The following ADGRV1 variants were observed in gnomAD, a reference collection of about 807,000 sequenced individuals.
ADGRV1 encodes the protein adhesion G protein-coupled receptor V1, also known as G-protein coupled receptor 98.
In ADGRV1, 359 loss-of-function variants were observed where a neutral mutation model predicts 596.2. The observed-to-expected ratio is 0.60, with a 90% CI of 0.55 to 0.66. The LOEUF is 0.66. Among genes scored for constraint, ADGRV1 ranks in the 30% least tolerant of loss-of-function variants. The pLI is 0.00. For missense variants in ADGRV1, 7,274 were observed against 7,575.6 expected (o/e 0.96, Z 1.48); for synonymous variants, 2,681 against 2,679.2 (o/e 1.00, Z -0.02).
Position 91,037,487 on chromosome 5 carries a change from A to AG in ADGRV1, c.18153-34954dup, listed in dbSNP as rs796739050. Among the ~76,000 whole-genome samples, 30 of 152,258 alleles carry AG rather than the reference A, an allele frequency of 2.0e-4. 1 individual carries two copies. Among genetic ancestry groups the AG allele is most frequent in the African/African-American group, 7.0e-4 (29 of 41,564 alleles). Reference sequence around the variant, plus strand: ...AATATTATCATATATTAGTTAGGAGAGGGGGGATAAAGTTAGTTATGTGGA... The same window carrying AG: ...AATATTATCATATATTAGTTAGGAGAGGGGGGGATAAAGTTAGTTATGTGGA... On this transcript the variant is annotated intron_variant, in intron 85 of 89. Transcript: ENST00000405460.
At chr5:90,763,113 T>C (rs1354817538) in intron 58 of ADGRV1, 192 bp from the exon 59 acceptor site, 3 of 486,624 alleles carry the variant, frequency 6.2e-6, no homozygotes, top group Non-Finnish European at 1.1e-5. Context: ...AGACAGGAAA[T>C]GCCAACTAGT....
At chr5:90,737,746 A>G (rs1035858079) in intron 50 of ADGRV1, among the ~76,000 whole-genome samples, 9 of 151,734 alleles carry the variant, frequency 5.9e-5, no homozygotes, top group Non-Finnish European at 1.3e-4. Flanking sequence ...AAGTATATCT[A>G]CCCTTCTGTT....
At chr5:90,962,846 A>G (rs1378301172) in intron 83 of ADGRV1, among the ~76,000 whole-genome samples, 2 of 152,356 alleles carry the variant, frequency 1.3e-5, no homozygotes, top group South Asian at 2.1e-4. Flanking sequence ...ATATCAAATC[A>G]TAGCTTAGGA....
chr5:90,776,852 C>T (rs1276912212), intron 61 of ADGRV1, among the ~76,000 whole-genome samples: 1 of 152,050 alleles, frequency 6.6e-6, no homozygotes, highest in Non-Finnish European at 1.5e-5. Context: ...ATCAGAAAAT[C>T]TATGTTTTCA....
chr5:90,900,499 T>C (rs2150634368), intron 83 of ADGRV1, among the ~76,000 whole-genome samples: 1 of 152,312 alleles, frequency 6.6e-6, no homozygotes, highest in Non-Finnish European at 1.5e-5. Context: ...TTTTGCTTTT[T>C]CATTTGCTTA....
chr5:90,776,852 C>G (rs1276912212), intron 61 of ADGRV1, among the ~76,000 whole-genome samples: 1 of 152,050 alleles, frequency 6.6e-6, no homozygotes. Context: ...ATCAGAAAAT[C>G]TATGTTTTCA....
chr5:91,126,908 T>C (rs1793808869), intron 87 of ADGRV1, among the ~76,000 whole-genome samples: 1 of 152,148 alleles, frequency 6.6e-6, no homozygotes, highest in African/African-American at 2.4e-5. Flanking sequence ...AGCATACCCA[T>C]ATTATAAAGT....
intron 85 of ADGRV1, among the ~76,000 whole-genome samples, chr5:91,063,793 C>T (rs1218674834): frequency 6.6e-6 from 1 of 152,126 alleles, no homozygotes; most frequent in Admixed American, 6.5e-5. Context: ...ACATAGGAAA[C>T]ACCTGGGAAA....
intron 85 of ADGRV1, among the ~76,000 whole-genome samples, chr5:91,000,668 C>CTGTGTGTGTGTGTGTGTGTGTGTGTG (rs6149110): frequency 7.1e-6 from 1 of 141,154 alleles, no homozygotes; most frequent in Non-Finnish European, 1.5e-5. Flanking sequence ...CTTACAGGAT[C>CTGTGTGTGTGTGTGTGTGTGTGTGTG]TGTGTGTGTG....
At chr5:90,734,759 C>T (rs1753001226) in intron 50 of ADGRV1, among the ~76,000 whole-genome samples, 1 of 151,840 alleles carries the variant, frequency 6.6e-6, no homozygotes, top group Non-Finnish European at 1.5e-5. Flanking sequence ...CTAATTTCAC[C>T]ATCTTGGCCA....
chr5:90,607,809 T>A (rs761166403), intron 1 of ADGRV1, among the ~76,000 whole-genome samples: 8 of 152,170 alleles, frequency 5.3e-5, no homozygotes, highest in Non-Finnish European at 1.0e-4. Context: ...ATCCATATAT[T>A]CAGAGCATCC....
chr5:90,928,989 T>G (rs919013867), intron 83 of ADGRV1, among the ~76,000 whole-genome samples: 140 of 149,422 alleles, frequency 9.4e-4, no homozygotes, highest in Non-Finnish European at 1.6e-3. Flanking sequence ...GTCTGCCCGT[T>G]CTCAGATCTC....
At chr5:90,964,684 C>G (rs1310026362) in intron 83 of ADGRV1, among the ~76,000 whole-genome samples, 1 of 150,752 alleles carries the variant, frequency 6.6e-6, no homozygotes, top group Non-Finnish European at 1.5e-5. Flanking sequence ...GTCAACGATC[C>G]TGTCTTTGCA....
rs2152065480 is a variant in ADGRV1 at position 90,622,657 on chromosome 5, A to T, written c.514A>T (p.Ile172Phe). ...GRNESMPLTL[I>F]REKGTYGMVM... ...AAATGAGTCTATGCCTCTTACTCTCATCAGGGAAAAGGGAACCTATGGAAT... is the reference window on the plus strand; with the variant it reads ...AAATGAGTCTATGCCTCTTACTCTCTTCAGGGAAAAGGGAACCTATGGAAT... Residue 172 changes from isoleucine to phenylalanine, a missense_variant, in exon 5 of 90, where the codon ATC (isoleucine) becomes TTC (phenylalanine). Around this residue, in one of 5 missense-constraint regions of ADGRV1, gnomAD observed 1,715 missense variants for 1,708.8 expected, o/e 1.00. Transcript: ENST00000405460. 1.3e-6 allele frequency: 2 copies of T among 1,557,256 alleles called. No homozygotes were observed. Among genetic ancestry groups the T allele is most frequent in the East Asian group, 2.4e-5 (1 of 42,270 alleles).
chr5:91,056,672 G>A (rs997946285), intron 85 of ADGRV1, among the ~76,000 whole-genome samples: 2 of 152,062 alleles, frequency 1.3e-5, no homozygotes, highest in African/African-American at 2.4e-5. Context: ...TTTGATGATT[G>A]CTCTCACTTG....
At chr5:91,041,855 C>T (rs1027905934) in intron 85 of ADGRV1, among the ~76,000 whole-genome samples, 3 of 152,098 alleles carry the variant, frequency 2.0e-5, no homozygotes, top group Admixed American at 2.0e-4. Context: ...TTTCATGATG[C>T]TTTAAGAACA....
chr5:90,767,532 A>G (rs1218977794), intron 59 of ADGRV1, among the ~76,000 whole-genome samples: 3 of 152,240 alleles, frequency 2.0e-5, no homozygotes, highest in African/African-American at 7.2e-5. Context: ...AATTGGCTCT[A>G]GCAGATATAC....
chr5:90,604,504 G>T (rs1335166602), intron 1 of ADGRV1, among the ~76,000 whole-genome samples: 4 of 152,178 alleles, frequency 2.6e-5, no homozygotes, highest in African/African-American at 9.7e-5. Flanking sequence ...GTTGTTTTCA[G>T]TGAGATCTTA....
intron 83 of ADGRV1, among the ~76,000 whole-genome samples, chr5:90,919,752 T>G (rs1271058098): frequency 1.3e-5 from 2 of 152,066 alleles, no homozygotes; most frequent in African/African-American, 4.8e-5. Flanking sequence ...CCCAGCACTT[T>G]GGGAGGCCGA....
Sources: allele counts gnomAD v4.1 joint callset (sites outside exome capture counted in the v4.1 genomes callset), GRCh38; gene constraint gnomAD v4.1.1; regional missense constraint gnomAD v4.1.1; transcripts MANE v1.5; gene names NCBI Gene and HGNC (gene_info 2026-07-23, HGNC 2026-07-21).